Variants in CPT1C observed in about 807,000 individuals in gnomAD.
The protein encoded by CPT1C is palmitoyl thioesterase CPT1C.
A neutral mutation model predicts 97.3 loss-of-function variants in CPT1C; 61 were observed. The observed-to-expected ratio is 0.63, with a 90% CI of 0.51 to 0.78. CPT1C has a LOEUF of 0.78. Ranked by LOEUF, CPT1C falls within the 30% of genes least tolerant of loss-of-function variation. CPT1C has a pLI of 0.00. For synonymous variants in CPT1C, 469 were observed against 447.2 expected (o/e 1.05, Z -0.61); for missense variants, 975 against 1,065.5 (o/e 0.92, Z 1.18).
At position 49,705,430 on chromosome 19, in the gene CPT1C, C is replaced by G; in HGVS notation, c.964+132C>G. 6 of 726,196 alleles carry G rather than the reference C, an allele frequency of 8.3e-6. No individual in the cohort carries two copies. The South Asian group carries it at 1.2e-4, about 15-fold the overall frequency. The allele number at this position is 726,196 out of a possible 1,614,324, so 45.0% of individuals were successfully genotyped here. A position where few individuals can be genotyped will look rare whatever the true frequency, so the allele number is the denominator to read the frequency against. ...GTGTGACCTTCTGCACGTTATTACC[C>G]TCTCTGAGCCTCAGCTTCCACTAAA... is the stretch of plus-strand genomic sequence containing the variant. On this transcript the variant is annotated intron_variant, in intron 10 of 19. Coordinates refer to ENST00000598293, the MANE Select transcript of CPT1C (RefSeq NM_001199753.2).
chr19:49,709,208 C>T (rs563094340), intron 14 of CPT1C, among the ~76,000 whole-genome samples: 1 of 151,984 alleles, frequency 6.6e-6, no homozygotes, highest in East Asian at 1.9e-4. Flanking sequence ...TGAATTCATT[C>T]CCATGTTCAT....
rs574505536 is a variant in CPT1C, at chr19:49,711,324, C to T, written c.1866+467C>T. On this transcript the variant is annotated intron_variant, in intron 16 of 19. Coordinates refer to ENST00000598293, the MANE Select transcript of CPT1C (RefSeq NM_001199753.2). ...GTTTCACCATGTTGGCCAGGCTGGT[C>T]TCGAACTCCTGACCTCAGGTGATCT... The T allele has an allele frequency of 7.6e-4, 115 of 150,800 alleles. 1 individual carries two copies. The highest frequency in any genetic ancestry group is 1.5e-3 in the Non-Finnish European group (105 of 69,698). 9.3% of individuals were successfully genotyped at this position (150,800 alleles called of 1,614,324 possible).
chr19:49,693,972 G>A (rs890316129), intron 3 of CPT1C, among the ~76,000 whole-genome samples: 2 of 152,100 alleles, frequency 1.3e-5, no homozygotes, highest in African/African-American at 4.8e-5. Flanking sequence ...GGCTGAGGCA[G>A]GAGAATGGCG....
rs767780477 is a variant in CPT1C at position 49,706,144 on chromosome 19, C to T, written c.1160+40C>T. The T allele has an allele frequency of 1.3e-5, 20 of 1,585,232 alleles. No homozygotes were observed. Among genetic ancestry groups the T allele is most frequent in the African/African-American group, 1.1e-4 (8 of 74,290 alleles). ...TCAGGGGTCAGGGGCTCTCAGAGGC[C>T]GCCAGTGTCCTGAGACTGTGGAAGG... On this transcript the variant is annotated intron_variant, in intron 11 of 19. Coordinates refer to ENST00000598293, the MANE Select transcript of CPT1C (RefSeq NM_001199753.2). This position sits in a 1 kb window ranked among gnomAD's most constrained non-coding sequence, Gnocchi z 4.8.
chr19:49,703,350 CTTT>C (rs59161524), intron 7 of CPT1C, among the ~76,000 whole-genome samples: 2 of 136,550 alleles, frequency 1.5e-5, no homozygotes, highest in Admixed American at 7.3e-5. Context: ...TGGCTAATTT[CTTT>C]TTTTTTTTTT....
Position 49,694,865 on chromosome 19 carries a change from G to A in CPT1C, c.142-2461G>A, listed in dbSNP as rs146484424. Among the ~76,000 whole-genome samples the A allele has an allele frequency of 5.8e-3, 883 of 152,228 alleles. 6 individuals carry two copies. The highest frequency in any genetic ancestry group is 9.7e-3 in the Non-Finnish European group (659 of 68,018). On this transcript the variant is annotated intron_variant, in intron 3 of 19. Transcript: ENST00000598293. ...TTAACATGTGACCATCCTTGGCCAG[G>A]CATGGTGGCTCACGCCTCTAATCCC... is the stretch of plus-strand genomic sequence containing the variant.
intron 7 of CPT1C, among the ~76,000 whole-genome samples, chr19:49,704,299 G>C (rs987849485): frequency 4.6e-5 from 7 of 152,164 alleles, no homozygotes; most frequent in Non-Finnish European, 1.0e-4. Flanking sequence ...AGGCTACCGA[G>C]TAGCCGGGAT....
In CPT1C at chr19:49,707,149, C is replaced by A. The variant is rs112131160; in HGVS notation, c.1344-369C>A. On this transcript the variant is annotated intron_variant, in intron 12 of 19. Transcript: ENST00000598293. ...AATTAGCTGGGCATGGTGGTGCATG[C>A]TTGTGATCCCAGCTACTTGGGAGGC... 9.9e-4 allele frequency among the ~76,000 whole-genome samples: 151 copies of A among 152,276 alleles called. 2 individuals carry two copies. The highest frequency in any genetic ancestry group is 3.5e-3 in the African/African-American group (145 of 41,550).
chr19:49,713,137 T>C, intron 19 of CPT1C, 73 bp downstream of exon 19: 2 of 1,325,656 alleles, frequency 1.5e-6, no homozygotes, highest in Non-Finnish European at 2.2e-6. Flanking sequence ...CAGCCCCTCC[T>C]CCCTCAGACC....
chr19:49,697,605 T>A, intron 4 of CPT1C, 140 bp downstream of exon 4: 2 of 1,069,626 alleles, frequency 1.9e-6, no homozygotes, highest in Non-Finnish European at 2.7e-6. Flanking sequence ...AGGCATGGCA[T>A]GAAGAAAAAG....
rs374751313 is a variant in CPT1C, at chr19:49,707,593, C to T, written c.1419C>T (p.Ala473=). Residue 473 remains alanine (A), a synonymous_variant, in exon 13 of 20, where the codon GCC becomes GCT. Transcript: ENST00000598293. The part of the protein sequence containing the change: ...KLGLSVEHSW[A]DCPISGHMWE... ...GCCTCAGCGTGGAGCACTCCTGGGC[C>T]GACTGCCCCATCTCAGGACACATGT... is the stretch of plus-strand genomic sequence containing the variant. 6 of 1,613,306 alleles carry T rather than the reference C, an allele frequency of 3.7e-6. No individual in the cohort carries two copies. Among genetic ancestry groups the T allele is most frequent in the Non-Finnish European group, 5.1e-6 (6 of 1,179,648 alleles).
At position 49,704,656 on chromosome 19, in the gene CPT1C, C is replaced by T. The variant is rs1211939041; in HGVS notation, c.694-54C>T. On this transcript the variant is annotated intron_variant, in intron 7 of 19. Coordinates refer to ENST00000598293, the MANE Select transcript of CPT1C (RefSeq NM_001199753.2). The stretch of plus-strand genomic sequence containing the variant: ...CTGGGGCCTTCCCTGTCCTACTGTC[C>T]CTCCCCCAACAGGCCCCAGCCCCTC... 1.9e-5 allele frequency: 27 copies of T among 1,403,166 alleles called. No individual in the cohort carries two copies. The Admixed American group carries it at 4.4e-4, about 23-fold the overall frequency. 86.9% of individuals were successfully genotyped at this position (1,403,166 alleles called of 1,614,324 possible).
At position 49,702,004 on chromosome 19, in the gene CPT1C, T is replaced by TTTATTTA. The variant is rs2083135519; in HGVS notation, c.693+371_693+372insTATTTAT. Among the ~76,000 whole-genome samples the TTTATTTA allele has an allele frequency of 5.0e-4, 5 of 9,974 alleles. 1 individual carries two copies. Among genetic ancestry groups the TTTATTTA allele is most frequent in the African/African-American group, 7.8e-4 (4 of 5,132 alleles). The allele number at this position is 9,974 out of a possible 152,430, so 6.5% of individuals were successfully genotyped here. On this transcript the variant is annotated intron_variant, in intron 7 of 19. Transcript: ENST00000598293. The stretch of plus-strand genomic sequence containing the variant: ...TAAATATATAAATATTATAAATATA[T>TTTATTTA]TAAATATATTTATTTATAAATTATA...
In CPT1C at chr19:49,706,286, G is replaced by T. The variant is rs1384204414; in HGVS notation, c.1216G>T (p.Glu406Ter). Residue 406 changes from glutamate (E) to a stop codon, truncating the protein, a stop_gained, in exon 12 of 20, where the codon GAG (glutamate) becomes TAG (stop). Transcript: ENST00000598293. LOFTEE classifies it high-confidence loss of function. This position sits in a 1 kb window ranked among gnomAD's most constrained non-coding sequence, Gnocchi z 4.8. ...GAAGACCCAGGCAGCGGAGGCCCTG[G>T]AGGCGGTGGAAGGGGCCGCTTTCTT... The part of the protein sequence containing the change: ...SLKTQAAEAL[E>*]AVEGAAFFVS... 1 of 1,539,806 alleles carries T rather than the reference G, an allele frequency of 6.5e-7. No individual in the cohort carries two copies. Among genetic ancestry groups the T allele is most frequent in the South Asian group, 1.2e-5 (1 of 81,934 alleles).
intron 7 of CPT1C, among the ~76,000 whole-genome samples, chr19:49,703,526 TTC>T (rs1268647323): frequency 1.8e-5 from 2 of 112,786 alleles, no homozygotes; most frequent in African/African-American, 3.6e-5. Context: ...TTCTCTATCT[TTC>T]TCTCTCTCCC....
At chr19:49,702,487 G>A (rs751301134) in intron 7 of CPT1C, among the ~76,000 whole-genome samples, 3 of 151,682 alleles carry the variant, frequency 2.0e-5, no homozygotes, top group Non-Finnish European at 4.4e-5. Context: ...GTCTGGTGGC[G>A]CACACGCCTA....
intron 3 of CPT1C, among the ~76,000 whole-genome samples, chr19:49,694,462 C>G (rs1425073361): frequency 6.6e-6 from 1 of 151,906 alleles, no homozygotes; most frequent in Non-Finnish European, 1.5e-5. Flanking sequence ...AACCCCATCT[C>G]TACTAAAAAT....
At chr19:49,710,150 T>C (rs2083766813) in intron 14 of CPT1C, among the ~76,000 whole-genome samples, 170 bp from the exon 15 acceptor site, 1 of 151,956 alleles carries the variant, frequency 6.6e-6, no homozygotes, top group East Asian at 1.9e-4. Flanking sequence ...GCCCAGCCCC[T>C]ATCCCCATCT....
intron 3 of CPT1C, among the ~76,000 whole-genome samples, chr19:49,695,692 C>G (rs2082631847): frequency 7.0e-6 from 1 of 142,946 alleles, no homozygotes; most frequent in Admixed American, 7.4e-5. Context: ...TCAAGTGATT[C>G]TCCTGCCTCA....
Sources: gnomAD v4.1 joint callset for allele counts (sites outside exome capture counted in the v4.1 genomes callset) on GRCh38, gnomAD v4.1.1 for gene constraint, Gnocchi (gnomAD v3.1) non-coding constraint, MANE v1.5 for transcripts, NCBI Gene and HGNC (gene_info 2026-07-23, HGNC 2026-07-21) for gene names.